The following CAB39 variants were observed in gnomAD, a reference collection of about 807,000 sequenced individuals.
CAB39 encodes calcium-binding protein 39.
A neutral mutation model predicts 40.0 loss-of-function variants in CAB39; 8 were observed. The observed-to-expected ratio is 0.20, with a 90% CI of 0.12 to 0.36. CAB39 has a LOEUF of 0.36. Among genes scored for constraint, CAB39 ranks in the 10% least tolerant of loss-of-function variants. The pLI is 1.00. For synonymous variants in CAB39, 156 were observed against 141.6 expected (o/e 1.10, Z -0.72); for missense variants, 270 against 401.1 (o/e 0.67, Z 2.79).
intron 2 of CAB39, among the ~76,000 whole-genome samples, chr2:230,784,159 A>G (rs930560127): frequency 7.2e-5 from 11 of 152,074 alleles, no homozygotes; most frequent in Non-Finnish European, 1.0e-4. Context: ...TGAGTTAGCT[A>G]TTGGGGCGAG....
intron 1 of CAB39, among the ~76,000 whole-genome samples, chr2:230,730,889 A>G (rs973684735): frequency 2.6e-5 from 4 of 152,254 alleles, no homozygotes; most frequent in African/African-American, 9.6e-5. Context: ...TCAGTATAGT[A>G]AAAGCTTATA....
At chr2:230,731,669 T>G (rs1210071476) in intron 1 of CAB39, among the ~76,000 whole-genome samples, 1 of 152,134 alleles carries the variant, frequency 6.6e-6, no homozygotes, top group Admixed American at 6.5e-5. Context: ...CACCTAATTT[T>G]TAAATTTCTT....
chr2:230,727,363 C>CATGT (rs3221429), intron 1 of CAB39, among the ~76,000 whole-genome samples: 3 of 126,948 alleles, frequency 2.4e-5, no homozygotes, highest in Non-Finnish European at 4.7e-5. Flanking sequence ...GATTGTTAAC[C>CATGT]GTGTGTGTGT....
chr2:230,758,766 G>A (rs374332570), intron 1 of CAB39, among the ~76,000 whole-genome samples: 1 of 152,112 alleles, frequency 6.6e-6, no homozygotes. Flanking sequence ...GTTAAATATA[G>A]GATGTTGAAA....
intron 2 of CAB39, among the ~76,000 whole-genome samples, chr2:230,773,314 A>ATATATGTGTG (rs371297550): frequency 1.1e-3 from 150 of 132,676 alleles, no homozygotes; most frequent in Admixed American, 3.5e-3. Context: ...ATATATATAT[A>ATATATGTGTG]TGTGTGTGTG....
At chr2:230,804,993 A>C (rs1371294648) in intron 5 of CAB39, among the ~76,000 whole-genome samples, 1 of 152,224 alleles carries the variant, frequency 6.6e-6, no homozygotes, top group East Asian at 1.9e-4. Context: ...ACTTGGAACC[A>C]ACCCAAATGT....
At chr2:230,794,041 G>C (rs1377336773) in intron 4 of CAB39, among the ~76,000 whole-genome samples, 1 of 152,156 alleles carries the variant, frequency 6.6e-6, no homozygotes. Context: ...GCCAGCCCCG[G>C]GTATGGTGTG....
chr2:230,733,352 G>A (rs1694728993), intron 1 of CAB39, among the ~76,000 whole-genome samples: 2 of 152,004 alleles, frequency 1.3e-5, no homozygotes, highest in Admixed American at 1.3e-4. Context: ...GTCGTATCAG[G>A]TCCTCGGATG....
At chr2:230,789,109 T>C (rs557467255) in intron 2 of CAB39, among the ~76,000 whole-genome samples, 1 of 152,314 alleles carries the variant, frequency 6.6e-6, no homozygotes, top group African/African-American at 2.4e-5. Flanking sequence ...GTTTTTAGGC[T>C]CTCTCTTTGT....
intron 1 of CAB39, among the ~76,000 whole-genome samples, chr2:230,727,422 T>C (rs893457650): frequency 5.4e-5 from 8 of 147,086 alleles, no homozygotes; most frequent in Admixed American, 1.3e-4. Flanking sequence ...TTTTCTTTTT[T>C]TTTTTTTTTT....
chr2:230,772,118 A>G (rs535591408), intron 2 of CAB39, among the ~76,000 whole-genome samples: 24 of 152,374 alleles, frequency 1.6e-4, no homozygotes, highest in Admixed American at 1.4e-3. Flanking sequence ...ACACTGTTAG[A>G]AGAATGAAAA....
At chr2:230,749,815 A>G (rs548387295) in intron 1 of CAB39, among the ~76,000 whole-genome samples, 32 of 152,346 alleles carry the variant, frequency 2.1e-4, no homozygotes, top group African/African-American at 7.7e-4. Context: ...CACTCGTAGA[A>G]GTGTAATTGC....
intron 1 of CAB39, among the ~76,000 whole-genome samples, chr2:230,749,622 G>T (rs903008306): frequency 6.6e-6 from 1 of 152,136 alleles, no homozygotes; most frequent in African/African-American, 2.4e-5. Context: ...CCCTTAAGAG[G>T]AGTTGTAGAC....
At chr2:230,733,014 T>C (rs1694721949) in intron 1 of CAB39, among the ~76,000 whole-genome samples, 1 of 152,172 alleles carries the variant, frequency 6.6e-6, no homozygotes, top group Non-Finnish European at 1.5e-5. Context: ...TAACAAATAT[T>C]TATGTGCAGG....
At chr2:230,817,118 TG>T (rs1399607061) in intron 7 of CAB39, among the ~76,000 whole-genome samples, 11 of 152,220 alleles carry the variant, frequency 7.2e-5, no homozygotes, top group East Asian at 1.9e-4. Flanking sequence ...AGTAAACAGA[TG>T]TTTTTTTAGC....
At chr2:230,789,697 G>C (rs1156723218) in intron 2 of CAB39, among the ~76,000 whole-genome samples, 1 of 152,140 alleles carries the variant, frequency 6.6e-6, no homozygotes, top group Non-Finnish European at 1.5e-5. Context: ...GCAGGTCTCT[G>C]CCATGCTCTT....
rs1696456696 is a variant in CAB39, at chr2:230,819,063, G to C, written c.*359G>C. ...TATGTGTTTGCACCCATCTTTGTTG[G>C]CGATCTGAGTGCAGTGTGGCAAGTG... is the stretch of plus-strand genomic sequence containing the variant. On this transcript the variant is annotated 3_prime_UTR_variant, in exon 9 of 9. Coordinates refer to ENST00000258418, the MANE Select transcript of CAB39 (RefSeq NM_016289.4). The C allele has an allele frequency of 6.0e-6, 1 of 166,982 alleles. No homozygotes were observed. The highest frequency in any genetic ancestry group is 1.3e-5 in the Non-Finnish European group (1 of 77,106). 10.3% of individuals were successfully genotyped at this position (166,982 alleles called of 1,614,324 possible). A position where few individuals can be genotyped will look rare whatever the true frequency, so the allele number is the denominator to read the frequency against.
At chr2:230,727,560 G>T (rs1486745202) in intron 1 of CAB39, among the ~76,000 whole-genome samples, 1 of 151,764 alleles carries the variant, frequency 6.6e-6, no homozygotes, top group African/African-American at 2.4e-5. Flanking sequence ...GACTACAGGT[G>T]TGCACCACCA....
intron 1 of CAB39, chr2:230,725,206 A>C: frequency 6.2e-7 from 1 of 1,601,702 alleles, no homozygotes; most frequent in Non-Finnish European, 8.6e-7. Context: ...TGGCGCCACA[A>C]GTGTCTTTCA....
Sources: allele counts gnomAD v4.1 joint callset (sites outside exome capture counted in the v4.1 genomes callset), GRCh38; gene constraint gnomAD v4.1.1; transcripts MANE v1.5; gene names NCBI Gene and HGNC (gene_info 2026-07-23, HGNC 2026-07-21).